The following MAP3K5 variants were observed in gnomAD, a reference collection of about 807,000 sequenced individuals.
MAP3K5 encodes ASK-1.
In MAP3K5, 56 loss-of-function variants were observed where a neutral mutation model predicts 158.7. The ratio of observed to expected loss-of-function variants is 0.35; its 90% CI spans 0.28 to 0.44. The LOEUF (loss-of-function observed/expected upper bound fraction) is 0.44. Ranked by LOEUF, MAP3K5 falls within the 20% of genes least tolerant of loss-of-function variation. The pLI is 1.00. For missense variants in MAP3K5, 1,294 were observed against 1,674.8 expected (o/e 0.77, Z 3.97); for synonymous variants, 579 against 601.7 (o/e 0.96, Z 0.55).
chr6:136,647,677 C>CGTTCA (rs1483650787), intron 11 of MAP3K5: 1 of 152,288 alleles, frequency 6.6e-6, no homozygotes, highest in Non-Finnish European at 1.5e-5. Flanking sequence ...GGCCCCTGAA[C>CGTTCA]GTCCCATGCT....
chr6:136,715,232 T>G (rs1373653824), intron 2 of MAP3K5, among the ~76,000 whole-genome samples: 1 of 152,196 alleles, frequency 6.6e-6, no homozygotes, highest in Non-Finnish European at 1.5e-5. Context: ...ATCTGAAGCT[T>G]TCTAACCACA....
chr6:136,682,484 A>T (rs1779977199), intron 7 of MAP3K5, among the ~76,000 whole-genome samples: 1 of 152,220 alleles, frequency 6.6e-6, no homozygotes, highest in Non-Finnish European at 1.5e-5. Context: ...CCCCATTAAT[A>T]ATGTAAAAAC....
rs374509517 is a variant in MAP3K5 at position 136,627,365 on chromosome 6, A to T, written c.2017-4384T>A. On this transcript the variant is annotated intron_variant, in intron 14 of 29. Coordinates refer to ENST00000359015, the MANE Select transcript of MAP3K5 (RefSeq NM_005923.4). ...CCACTAAATTGACAGTGAACTTTCC[A>T]AAGTCCAAAGTTCCACATGAACTTT... 1.8e-4 allele frequency among the ~76,000 whole-genome samples: 27 copies of T among 152,314 alleles called. 1 individual carries two copies. The East Asian group carries it at 2.1e-3, about 12-fold the overall frequency.
At chr6:136,704,229 C>T (rs1297262010) in intron 3 of MAP3K5, among the ~76,000 whole-genome samples, 2 of 152,058 alleles carry the variant, frequency 1.3e-5, no homozygotes, top group Admixed American at 1.3e-4. Flanking sequence ...TGTAATTATA[C>T]TATATTGAGC....
In MAP3K5 at chr6:136,604,303, T is replaced by C. The variant is rs150109502; in HGVS notation, c.2679+906A>G. ...CGCCACTGCACTCCAGCCTGGGTGA[T>C]AGATCGAGACTCTGTCTCCACAAAA... On this transcript the variant is annotated intron_variant, in intron 19 of 29. Coordinates refer to ENST00000359015, the MANE Select transcript of MAP3K5 (RefSeq NM_005923.4). 6.9e-4 allele frequency among the ~76,000 whole-genome samples: 102 copies of C among 147,548 alleles called. No individual in the cohort carries two copies. The East Asian group carries it at 0.017, about 25-fold the overall frequency.
chr6:136,634,787 G>A (rs374981314), intron 14 of MAP3K5, among the ~76,000 whole-genome samples: 3 of 151,894 alleles, frequency 2.0e-5, no homozygotes, highest in Admixed American at 2.0e-4. Context: ...GGCTGGTTTC[G>A]AACTCCTGGC....
chr6:136,614,353 T>C, intron 15 of MAP3K5, 67 bp from the exon 16 acceptor site: 2 of 1,549,446 alleles, frequency 1.3e-6, no homozygotes, highest in Non-Finnish European at 1.8e-6. Context: ...ATTTAAACAA[T>C]ACAAATGGAA....
chr6:136,744,183 C>G (rs537593042), intron 1 of MAP3K5, among the ~76,000 whole-genome samples: 10 of 152,044 alleles, frequency 6.6e-5, no homozygotes, highest in African/African-American at 2.4e-4. Flanking sequence ...AATGATGTGT[C>G]AATGTAAGGT....
At chr6:136,684,187 G>C (rs1383094386) in intron 7 of MAP3K5, among the ~76,000 whole-genome samples, 1 of 151,768 alleles carries the variant, frequency 6.6e-6, no homozygotes, top group African/African-American at 2.4e-5. Context: ...GCTGTGATCT[G>C]CACTGGGCGA....
intron 2 of MAP3K5, among the ~76,000 whole-genome samples, chr6:136,715,864 C>T (rs1386483621): frequency 6.6e-6 from 1 of 151,440 alleles, no homozygotes; most frequent in Admixed American, 6.6e-5. Flanking sequence ...AACCCCGTCT[C>T]TACTAAAATA....
At chr6:136,653,069 A>G (rs988744960) in intron 10 of MAP3K5, among the ~76,000 whole-genome samples, 5 of 152,220 alleles carry the variant, frequency 3.3e-5, no homozygotes, top group Admixed American at 6.5e-5. Flanking sequence ...CAAGGCCTAT[A>G]AAGGATAGAT....
intron 26 of MAP3K5, among the ~76,000 whole-genome samples, chr6:136,564,736 T>C (rs2129069102): frequency 6.6e-6 from 1 of 152,342 alleles, no homozygotes; most frequent in Admixed American, 6.5e-5. Flanking sequence ...AAGGACTCCG[T>C]ACTTGCATAT....
At position 136,611,179 on chromosome 6, in the gene MAP3K5, T is replaced by C; in HGVS notation, c.2521+103A>G. 5.1e-6 allele frequency: 3 copies of C among 584,042 alleles called. No homozygotes were observed. In the Admixed American group the frequency reaches 6.8e-5, roughly 13 times the overall value. The allele number at this position is 584,042 out of a possible 1,614,324, so 36.2% of individuals were successfully genotyped here. On this transcript the variant is annotated intron_variant, in intron 18 of 29. Transcript: ENST00000359015. ...GAAAGAAAAAAGATACCAACATTAC[T>C]GTGTGTGAGAACACCAACTGAATTT...
intron 23 of MAP3K5, among the ~76,000 whole-genome samples, chr6:136,586,053 GCTTGGTCTCATGTTTATGTTTTCATGAGA>G (rs1233143240): frequency 1.3e-5 from 2 of 152,142 alleles, no homozygotes; most frequent in Non-Finnish European, 2.9e-5. Flanking sequence ...TCATTTGGAA[GCTTGGTCTCATGTTTATGTTTTCATGAGA>G]TAAGATTATA....
intron 14 of MAP3K5, among the ~76,000 whole-genome samples, chr6:136,632,853 A>T (rs1410432239): frequency 6.6e-6 from 1 of 152,164 alleles, no homozygotes; most frequent in East Asian, 1.9e-4. Flanking sequence ...TGATGATTTC[A>T]ATATAAAAGT....
At chr6:136,584,988 C>T (rs1378752960) in intron 23 of MAP3K5, among the ~76,000 whole-genome samples, 1 of 152,174 alleles carries the variant, frequency 6.6e-6, no homozygotes, top group East Asian at 1.9e-4. Context: ...TGAAACTACC[C>T]CTTACCCATC....
intron 1 of MAP3K5, among the ~76,000 whole-genome samples, chr6:136,734,557 T>C (rs1782373299): frequency 6.6e-6 from 1 of 152,140 alleles, no homozygotes; most frequent in Non-Finnish European, 1.5e-5. Flanking sequence ...TTTGAGTCTA[T>C]ATGCATAAAT....
chr6:136,693,276 A>G (rs1192502715), intron 7 of MAP3K5, among the ~76,000 whole-genome samples: 2 of 152,148 alleles, frequency 1.3e-5, no homozygotes, highest in East Asian at 1.9e-4. Flanking sequence ...TTGTTTGTCT[A>G]TGCCTATAGC....
At chr6:136,727,686 C>T (rs569494865) in intron 1 of MAP3K5, among the ~76,000 whole-genome samples, 2 of 152,284 alleles carry the variant, frequency 1.3e-5, no homozygotes, top group African/African-American at 2.4e-5. Flanking sequence ...TAGGGCCAGG[C>T]GCAGTGGCTC....
Sources: allele counts gnomAD v4.1 joint callset (sites outside exome capture counted in the v4.1 genomes callset), GRCh38; gene constraint gnomAD v4.1.1; transcripts MANE v1.5; gene names NCBI Gene and HGNC (gene_info 2026-07-23, HGNC 2026-07-21).